NDUFV2: variants seen among roughly 807,000 people sequenced by gnomAD.
NDUFV2 encodes the protein NADH:ubiquinone oxidoreductase core subunit V2.
A neutral mutation model predicts 31.6 loss-of-function variants in NDUFV2; 18 were observed. The ratio of observed to expected loss-of-function variants is 0.57; its 90% CI spans 0.39 to 0.84. The LOEUF is 0.84. Ranked by LOEUF, NDUFV2 falls within the 40% of genes least tolerant of loss-of-function variation. The probability of loss-of-function intolerance (pLI) is 0.00; values close to 1 mark genes in which losing one functional copy is unlikely to be tolerated. For missense variants in NDUFV2, 314 were observed against 303.6 expected, an observed-to-expected ratio of 1.03 and a Z score of -0.26; for synonymous variants, 83 against 99.8, an observed-to-expected ratio of 0.83 and a Z score of 1.01.
chr18:9,132,089 C>T (rs1201659209), intron 7 of NDUFV2: 3 of 152,220 alleles, frequency 2.0e-5, no homozygotes, highest in African/African-American at 4.8e-5. Flanking sequence ...ACTGGGACTC[C>T]CGTTTTTCTA....
At chr18:9,119,642 T>C in intron 4 of NDUFV2, 52 bp downstream of exon 4, 1 of 1,429,992 alleles carries the variant, frequency 7.0e-7, no homozygotes, top group Non-Finnish European at 9.9e-7. Flanking sequence ...TTGTGTATGA[T>C]AATTTCCTTT....
At chr18:9,130,996 C>G (rs2078035357) in intron 7 of NDUFV2, among the ~76,000 whole-genome samples, 1 of 152,202 alleles carries the variant, frequency 6.6e-6, no homozygotes, top group South Asian at 2.1e-4. Flanking sequence ...AGTTGAAGAT[C>G]TGTGTGTAAC....
At chr18:9,131,443 A>G (rs138519771) in intron 7 of NDUFV2, among the ~76,000 whole-genome samples, 90 of 152,330 alleles carry the variant, frequency 5.9e-4, no homozygotes, top group African/African-American at 2.0e-3. Flanking sequence ...TCAGGTTACT[A>G]ATAGGTAGAA....
intron 7 of NDUFV2, among the ~76,000 whole-genome samples, chr18:9,132,761 G>A (rs568803011): frequency 6.6e-6 from 1 of 152,206 alleles, no homozygotes; most frequent in African/African-American, 2.4e-5. Context: ...TGTAGTCCCA[G>A]CTACGTGGGA....
chr18:9,129,516 T>C (rs1231457366), intron 7 of NDUFV2, among the ~76,000 whole-genome samples: 2 of 152,146 alleles, frequency 1.3e-5, no homozygotes, highest in Non-Finnish European at 2.9e-5. Context: ...TAGTGTAATA[T>C]GTGAGTGATA....
intron 5 of NDUFV2, among the ~76,000 whole-genome samples, chr18:9,123,920 A>G (rs948994589): frequency 1.2e-4 from 19 of 152,168 alleles, no homozygotes; most frequent in African/African-American, 4.3e-4. Flanking sequence ...ATTTTTCCCA[A>G]ATGCCTTCCC....
At chr18:9,128,933 C>T (rs1233823147) in intron 7 of NDUFV2, among the ~76,000 whole-genome samples, 2 of 151,908 alleles carry the variant, frequency 1.3e-5, no homozygotes, top group African/African-American at 2.4e-5. Context: ...TGGGCTTCCT[C>T]CCCCCCACTC....
chr18:9,126,806 T>G (rs990469434), intron 6 of NDUFV2, 25 bp from the exon 7 acceptor site: 7 of 1,553,992 alleles, frequency 4.5e-6, no homozygotes, highest in Non-Finnish European at 6.2e-6. Context: ...AATTTAAATA[T>G]GACTATTGTT....
chr18:9,124,206 TGA>T (rs967763269), intron 5 of NDUFV2, among the ~76,000 whole-genome samples: 9 of 151,208 alleles, frequency 6.0e-5, no homozygotes, highest in African/African-American at 2.2e-4. Context: ...TTTTTTTTTT[TGA>T]GAGAGTCTTG....
intron 2 of NDUFV2, among the ~76,000 whole-genome samples, chr18:9,118,830 T>TTTG (rs2077913825): frequency 6.7e-6 from 1 of 149,334 alleles, no homozygotes; most frequent in Admixed American, 6.7e-5. Flanking sequence ...TTTTTTTTTT[T>TTTG]TTTTTTTTTT....
At chr18:9,115,193 TAA>T (rs1440621436) in intron 1 of NDUFV2, among the ~76,000 whole-genome samples, 2 of 152,150 alleles carry the variant, frequency 1.3e-5, no homozygotes, top group Non-Finnish European at 2.9e-5. Flanking sequence ...AAATGTAAAA[TAA>T]GAGTCCCTTA....
chr18:9,127,005 A>AATACC, intron 7 of NDUFV2, 98 bp downstream of exon 7: 1 of 934,818 alleles, frequency 1.1e-6, no homozygotes, highest in South Asian at 1.3e-5. Context: ...AGTTCATAGG[A>AATACC]ATTGGTAGGA....
chr18:9,132,573 A>G (rs1403216040), intron 7 of NDUFV2, among the ~76,000 whole-genome samples: 1 of 152,196 alleles, frequency 6.6e-6, no homozygotes, highest in East Asian at 1.9e-4. Flanking sequence ...GTGCCTATCA[A>G]TAGGCAACAT....
At chr18:9,118,410 G>T (rs2077910059) in intron 2 of NDUFV2, among the ~76,000 whole-genome samples, 1 of 151,994 alleles carries the variant, frequency 6.6e-6, no homozygotes, top group Admixed American at 6.5e-5. Flanking sequence ...TTCTGACAAG[G>T]TGCTGTTTTC....
At chr18:9,121,450 T>C (rs111553655) in intron 4 of NDUFV2, 2 of 152,302 alleles carry the variant, frequency 1.3e-5, no homozygotes, top group African/African-American at 4.8e-5. Flanking sequence ...ACGTCCTTGA[T>C]TCAGAACTGC....
chr18:9,119,873 A>G (rs913847851), intron 4 of NDUFV2, among the ~76,000 whole-genome samples: 2 of 152,068 alleles, frequency 1.3e-5, no homozygotes, highest in Non-Finnish European at 2.9e-5. Flanking sequence ...AAAAGATTCC[A>G]AATGTGTATA....
Position 9,124,859 on chromosome 18 carries a change from T to TA in NDUFV2, c.470-14dup. 1 of 1,608,696 alleles carries TA rather than the reference T, an allele frequency of 6.2e-7. No individual in the cohort carries two copies. Among genetic ancestry groups the TA allele is most frequent in the Non-Finnish European group, 8.5e-7 (1 of 1,176,854 alleles). ...AATATAACCTGGTCCTTAGAGTGTT[T>TA]ATTTGTATTTTTAGGAATAAAGGTT... On this transcript the variant is annotated splice_polypyrimidine_tract_variant and intron_variant, in intron 5 of 7. Transcript: ENST00000318388.
intron 5 of NDUFV2, 55 bp downstream of exon 5, chr18:9,122,736 A>G: frequency 6.4e-7 from 1 of 1,574,470 alleles, no homozygotes; most frequent in South Asian, 1.1e-5. Context: ...GTCTCTCTAG[A>G]TTTGGTACAT....
intron 1 of NDUFV2, among the ~76,000 whole-genome samples, chr18:9,107,867 G>A (rs2077849548): frequency 6.6e-6 from 1 of 152,122 alleles, no homozygotes; most frequent in Non-Finnish European, 1.5e-5. Flanking sequence ...CTTTAAAGGG[G>A]TAAGAGGAGG....
Sources: gnomAD v4.1 joint callset for allele counts (sites outside exome capture counted in the v4.1 genomes callset) on GRCh38, gnomAD v4.1.1 for gene constraint, MANE v1.5 for transcripts, NCBI Gene and HGNC (gene_info 2026-07-23, HGNC 2026-07-21) for gene names.